Variants in ATP9A observed in about 807,000 individuals in gnomAD.
ATP9A encodes the protein probable phospholipid-transporting ATPase IIA.
A neutral mutation model predicts 144.1 loss-of-function variants in ATP9A; 52 were observed. The ratio of observed to expected loss-of-function variants is 0.36; its 90% confidence interval spans 0.29 to 0.45. The LOEUF (loss-of-function observed/expected upper bound fraction) is 0.45, where lower values mean the gene tolerates loss of function less well. Ranked by LOEUF, ATP9A falls within the 20% of genes least tolerant of loss-of-function variation. The pLI, the probability that ATP9A is intolerant of heterozygous loss-of-function variation, is 1.00. For missense variants in ATP9A, 947 were observed against 1,392.7 expected (o/e 0.68, Z 5.09); for synonymous variants, 582 against 557.4 (o/e 1.04, Z -0.62).
chr20:51,754,503 C>A (rs113419495), intron 1 of ATP9A, among the ~76,000 whole-genome samples: 1 of 151,438 alleles, frequency 6.6e-6, no homozygotes, highest in South Asian at 2.1e-4. Context: ...AACTCCATCT[C>A]GGGAAAAAAA....
intron 10 of ATP9A, among the ~76,000 whole-genome samples, chr20:51,674,588 T>G (rs2077469484): frequency 6.6e-6 from 1 of 152,146 alleles, no homozygotes; most frequent in Admixed American, 6.5e-5. Flanking sequence ...CAAAAAAATG[T>G]TTACAACTAA....
chr20:51,743,396 A>ATTTTTTTTTTTTTT lies in ATP9A; in HGVS notation c.69-13432_69-13419dup, dbSNP rs769952209. ...GAGATGGGCTGCAAGACCGAAACTG[A>ATTTTTTTTTTTTTT]TTTTTTTTTTTTTTTTTTTTTGAGA... is the stretch of plus-strand genomic sequence containing the variant. On this transcript the variant is annotated intron_variant, in intron 1 of 27. Coordinates refer to ENST00000338821, the MANE Select transcript of ATP9A (RefSeq NM_006045.3). 1.9e-4 allele frequency among the ~76,000 whole-genome samples: 17 copies of ATTTTTTTTTTTTTT among 89,856 alleles called. 1 individual carries two copies. Among genetic ancestry groups the ATTTTTTTTTTTTTT allele is most frequent in the Non-Finnish European group, 2.6e-4 (13 of 50,102 alleles). The allele number at this position is 89,856 out of a possible 152,430, so 58.9% of individuals were successfully genotyped here. A position where few individuals can be genotyped will look rare whatever the true frequency, so the allele number is the denominator to read the frequency against.
intron 1 of ATP9A, among the ~76,000 whole-genome samples, chr20:51,735,341 CACAG>C (rs71192551): frequency 0.083 from 12,558 of 152,146 alleles, 604 homozygotes; most frequent in African/African-American, 0.13. Context: ...CTTGCATGAG[CACAG>C]ACAATCTCCA....
At chr20:51,666,682 A>C (rs988978530) in intron 13 of ATP9A, among the ~76,000 whole-genome samples, 16 of 148,700 alleles carry the variant, frequency 1.1e-4, no homozygotes, top group Admixed American at 1.3e-4. Flanking sequence ...TGTGTCTTAA[A>C]AAAAAAAAAA....
intron 15 of ATP9A, among the ~76,000 whole-genome samples, chr20:51,638,757 G>A (rs780780706): frequency 1.3e-5 from 2 of 152,004 alleles, no homozygotes; most frequent in Non-Finnish European, 2.9e-5. Flanking sequence ...TAGCTACTCG[G>A]GAGGCTGAGG....
intron 14 of ATP9A, among the ~76,000 whole-genome samples, chr20:51,642,028 C>T (rs1601076513): frequency 6.6e-6 from 1 of 152,156 alleles, no homozygotes; most frequent in East Asian, 1.9e-4. Flanking sequence ...TTTGTAGACA[C>T]TGTACCTTTG....
chr20:51,618,854 G>A lies in ATP9A; in HGVS notation c.2206-48C>T, dbSNP rs774452742. 5.7e-6 allele frequency: 9 copies of A among 1,581,942 alleles called. No individual in the cohort carries two copies. In the South Asian group the frequency reaches 8.2e-5, roughly 14 times the overall value. On this transcript the variant is annotated intron_variant, in intron 20 of 27. Transcript: ENST00000338821. ...GTGCGTTGGTGGAGGGAGAGGTGGT[G>A]CGTTGGTGGAGGTCGCTGCCGAGCC... is the stretch of plus-strand genomic sequence containing the variant.
intron 1 of ATP9A, among the ~76,000 whole-genome samples, chr20:51,759,122 G>A (rs890447427): frequency 1.3e-5 from 2 of 152,208 alleles, no homozygotes; most frequent in African/African-American, 2.4e-5. Context: ...AGGGGATGGC[G>A]CAAGTGCAGC....
chr20:51,673,354 AC>A (rs2077464158), intron 11 of ATP9A, among the ~76,000 whole-genome samples: 1 of 152,148 alleles, frequency 6.6e-6, no homozygotes, highest in Admixed American at 6.6e-5. Context: ...AGCCTGGGCG[AC>A]AGAGCAAGAC....
chr20:51,602,833 C>T (rs1377628363), intron 27 of ATP9A, among the ~76,000 whole-genome samples: 1 of 152,174 alleles, frequency 6.6e-6, no homozygotes, highest in Non-Finnish European at 1.5e-5. Flanking sequence ...ACCTCCATGA[C>T]ATGTTAATGT....
intron 26 of ATP9A, among the ~76,000 whole-genome samples, chr20:51,606,016 T>A (rs1663827419): frequency 6.6e-6 from 1 of 151,796 alleles, no homozygotes; most frequent in Non-Finnish European, 1.5e-5. Context: ...ACGCCTGTAA[T>A]CCCAACACTT....
chr20:51,614,596 T>C (rs2077196024), intron 22 of ATP9A, among the ~76,000 whole-genome samples: 2 of 152,136 alleles, frequency 1.3e-5, no homozygotes, highest in South Asian at 4.1e-4. Flanking sequence ...CAGCTGCACC[T>C]GGCCGAATTC....
chr20:51,625,077 A>C, intron 18 of ATP9A, 115 bp downstream of exon 18: 1 of 915,706 alleles, frequency 1.1e-6, no homozygotes, highest in Non-Finnish European at 1.6e-6. Context: ...CAGATAAGGC[A>C]CTCCTGGTGT....
intron 14 of ATP9A, among the ~76,000 whole-genome samples, chr20:51,648,163 G>C (rs2077349265): frequency 6.6e-6 from 1 of 152,054 alleles, no homozygotes; most frequent in Non-Finnish European, 1.5e-5. Flanking sequence ...CTGAGGCTCA[G>C]GCTATACCCA....
chr20:51,698,112 A>G (rs6013261), intron 4 of ATP9A, among the ~76,000 whole-genome samples: 37,199 of 152,090 alleles, frequency 0.24, 4,869 homozygotes, highest in Non-Finnish European at 0.27. Flanking sequence ...AGGAAAGGAG[A>G]CTCAGGATGT....
chr20:51,672,467 T>C (rs538832981), intron 11 of ATP9A, among the ~76,000 whole-genome samples: 2 of 152,292 alleles, frequency 1.3e-5, no homozygotes, highest in South Asian at 2.1e-4. Context: ...GTCACTTAGA[T>C]TGAATACTTG....
At position 51,601,076 on chromosome 20, in the gene ATP9A, G is replaced by A. The variant is rs1259423857; in HGVS notation, c.*135C>T. On this transcript the variant is annotated 3_prime_UTR_variant, in exon 28 of 28. Transcript: ENST00000338821. ...AGCGTTAGGACTCCGTTTAGGCGCAGAGCCACTTCCCATTAAAACTGCATG... is the reference window on the plus strand; with the variant it reads ...AGCGTTAGGACTCCGTTTAGGCGCAAAGCCACTTCCCATTAAAACTGCATG... 1 of 1,140,550 alleles carries A rather than the reference G, an allele frequency of 8.8e-7. No individual in the cohort carries two copies. The highest frequency in any genetic ancestry group is 1.8e-5 in the South Asian group (1 of 54,584). The allele number at this position is 1,140,550 out of a possible 1,614,324, so 70.7% of individuals were successfully genotyped here.
intron 3 of ATP9A, 75 bp from the exon 4 acceptor site, chr20:51,713,149 CA>C: frequency 7.1e-7 from 1 of 1,400,612 alleles, no homozygotes; most frequent in African/African-American, 1.4e-5. Context: ...CTCCTGGTGC[CA>C]GGGGCAGGAA....
intron 26 of ATP9A, among the ~76,000 whole-genome samples, chr20:51,605,933 A>T (rs893757596): frequency 2.0e-5 from 3 of 150,684 alleles, no homozygotes; most frequent in Non-Finnish European, 4.4e-5. Flanking sequence ...AAAAGAATAA[A>T]CCCCAATAGG....
Sources: allele counts gnomAD v4.1 joint callset (sites outside exome capture counted in the v4.1 genomes callset), GRCh38; gene constraint gnomAD v4.1.1; transcripts MANE v1.5; gene names NCBI Gene and HGNC (gene_info 2026-07-23, HGNC 2026-07-21).